The following IL34 variants were observed in gnomAD, a reference collection of about 807,000 sequenced individuals.
The protein encoded by IL34 is interleukin-34.
A neutral mutation model predicts 25.3 loss-of-function variants in IL34; 17 were observed. The ratio of observed to expected loss-of-function variants is 0.67; its 90% confidence interval spans 0.46 to 1.01. The LOEUF is 1.01. Ranked by LOEUF, IL34 falls within the 50% of genes least tolerant of loss-of-function variation. The pLI is 0.00. For synonymous variants in IL34, 174 were observed against 140.9 expected, an observed-to-expected ratio of 1.23 and a Z score of -1.66; for missense variants, 368 against 312.9, an observed-to-expected ratio of 1.18 and a Z score of -1.33.
At chr16:70,609,338 C>T (rs1413688002) in intron 1 of IL34, among the ~76,000 whole-genome samples, 2 of 152,164 alleles carry the variant, frequency 1.3e-5, no homozygotes, top group African/African-American at 4.8e-5. Flanking sequence ...TTCTGCTTCC[C>T]AAAGTGCTGG....
At chr16:70,593,445 A>G (rs2050779781) in intron 1 of IL34, among the ~76,000 whole-genome samples, 1 of 152,136 alleles carries the variant, frequency 6.6e-6, no homozygotes, top group African/African-American at 2.4e-5. Flanking sequence ...TTCATTTTGA[A>G]TAAATTTTTG....
intron 1 of IL34, among the ~76,000 whole-genome samples, chr16:70,641,457 T>C (rs2051780382): frequency 6.6e-6 from 1 of 152,128 alleles, no homozygotes; most frequent in African/African-American, 2.4e-5. Flanking sequence ...GACTTTAAAG[T>C]AACTTCAATG....
intron 1 of IL34, among the ~76,000 whole-genome samples, chr16:70,582,497 G>A (rs2050646950): frequency 6.6e-6 from 1 of 152,236 alleles, no homozygotes; most frequent in African/African-American, 2.4e-5. Flanking sequence ...CTTTCCACAT[G>A]TGGGCAGTGA....
chr16:70,639,631 C>CTTGAG (rs35752828), intron 1 of IL34, among the ~76,000 whole-genome samples: 1 of 151,784 alleles, frequency 6.6e-6, no homozygotes, highest in African/African-American at 2.4e-5. Flanking sequence ...TTGAGCTTGA[C>CTTGAG]CCTGTTCCCA....
intron 1 of IL34, among the ~76,000 whole-genome samples, chr16:70,619,981 A>C (rs12933193): frequency 0.46 from 69,292 of 151,194 alleles, 16,213 homozygotes; most frequent in South Asian, 0.63. Context: ...GCGGTTCAGG[A>C]GTTTGGAAGT....
chr16:70,600,947 G>GAGTAGGGGATGCTGGGAGA (rs879854850), intron 1 of IL34, among the ~76,000 whole-genome samples: 11 of 136,330 alleles, frequency 8.1e-5, no homozygotes, highest in East Asian at 2.2e-4. Context: ...CTGCTGGGAG[G>GAGTAGGGGATGCTGGGAGA]AGTAGGGGAT....
chr16:70,655,354 T>C (rs1447075159), intron 2 of IL34, among the ~76,000 whole-genome samples: 2 of 149,144 alleles, frequency 1.3e-5, no homozygotes, highest in Admixed American at 6.7e-5. Flanking sequence ...CCCGGCCCTT[T>C]TTTTTTCTTT....
Position 70,659,678 on chromosome 16 carries a change from A to T in IL34, c.463A>T (p.Asn155Tyr). 6.2e-7 allele frequency: 1 copy of T among 1,613,138 alleles called. No individual in the cohort carries two copies. Reference protein sequence around the residue: ...VLSLLNAPGPNLKLVRPKALL... With the variant: ...VLSLLNAPGPYLKLVRPKALL... ...GTCCCTCTTGAATGCCCCAGGGCCA[A>T]ACCTGAAGCTGGTGCGGCCCAAAGC... Residue 155 changes from asparagine (N) to tyrosine (Y), a missense_variant, in exon 5 of 6, where the codon AAC becomes TAC. By Grantham distance (143) the Asn-to-Tyr change is moderately radical. Transcript: ENST00000288098.
Position 70,646,831 on chromosome 16 carries a change from T to G in IL34, c.-117T>G. The G allele has an allele frequency of 5.9e-6, 6 of 1,018,110 alleles. No homozygotes were observed. Among genetic ancestry groups the G allele is most frequent in the Non-Finnish European group, 8.2e-6 (6 of 729,394 alleles). 63.1% of individuals were successfully genotyped at this position (1,018,110 alleles called of 1,614,324 possible). ...CCAGCCACTCCTCCAGGGCCAGCCC[T>G]TCCCTGACTGAGTGACCACCTCTGC... On this transcript the variant is annotated 5_prime_UTR_variant, in exon 1 of 6. Coordinates refer to ENST00000288098, the MANE Select transcript of IL34 (RefSeq NM_001393494.1).
intron 1 of IL34, among the ~76,000 whole-genome samples, chr16:70,604,058 A>G (rs1405939299): frequency 6.6e-6 from 1 of 152,218 alleles, no homozygotes; most frequent in African/African-American, 2.4e-5. Context: ...CTGCTGTTCC[A>G]GTGAAGGAGA....
rs1046936680 is a variant in IL34, at chr16:70,590,848, G to A, written c.-401+10799G>A. Reference sequence around the variant, plus strand: ...CGCAAGCTGGCCTCTCCCTGCCCCCGCCCCTGGCAGTCAGTTCCTGGGGTC... The same window carrying A: ...CGCAAGCTGGCCTCTCCCTGCCCCCACCCCTGGCAGTCAGTTCCTGGGGTC... On this transcript the variant is annotated intron_variant, in intron 1 of 6. Transcript: ENST00000429149. 9.2e-5 allele frequency among the ~76,000 whole-genome samples: 14 copies of A among 152,020 alleles called. 1 individual carries two copies. The highest frequency in any genetic ancestry group is 3.9e-4 in the East Asian group (2 of 5,146).
At chr16:70,630,577 CTTTT>C (rs945115251) in intron 1 of IL34, among the ~76,000 whole-genome samples, 1 of 149,708 alleles carries the variant, frequency 6.7e-6, no homozygotes, top group Non-Finnish European at 1.5e-5. Flanking sequence ...CCTCTTCTTT[CTTTT>C]TTCTTTTTTT....
In IL34 at chr16:70,656,953, T is replaced by G; in HGVS notation, c.241-7T>G. 1 of 1,601,170 alleles carries G rather than the reference T, an allele frequency of 6.2e-7. No homozygotes were observed. The highest frequency in any genetic ancestry group is 8.5e-7 in the Non-Finnish European group (1 of 1,173,190). On this transcript the variant is annotated splice_region_variant and splice_polypyrimidine_tract_variant and intron_variant, in intron 3 of 5. Coordinates refer to ENST00000288098, the MANE Select transcript of IL34 (RefSeq NM_001393494.1). ...CCCGAGTTGCAGTGACTTCCCTGTT[T>G]CCGCAGCAGAGGGCCCAGGTGAGCG... is the stretch of plus-strand genomic sequence containing the variant.
At chr16:70,628,690 T>G (rs2051451000) in intron 1 of IL34, among the ~76,000 whole-genome samples, 1 of 152,028 alleles carries the variant, frequency 6.6e-6, no homozygotes, top group African/African-American at 2.4e-5. Context: ...TCTCACCATG[T>G]TGACCAAGCT....
chr16:70,649,079 C>T (rs781624692), intron 1 of IL34, among the ~76,000 whole-genome samples: 1 of 152,132 alleles, frequency 6.6e-6, no homozygotes, highest in Non-Finnish European at 1.5e-5. Context: ...TTTAATAATG[C>T]CTGTAAGTGG....
At chr16:70,604,918 A>G (rs1417162269) in intron 1 of IL34, among the ~76,000 whole-genome samples, 1 of 151,566 alleles carries the variant, frequency 6.6e-6, no homozygotes, top group African/African-American at 2.4e-5. Context: ...GTGTGTGTGC[A>G]TGTGTGTGTG....
intron 1 of IL34, among the ~76,000 whole-genome samples, chr16:70,605,622 T>A (rs896394052): frequency 3.9e-5 from 6 of 152,290 alleles, no homozygotes; most frequent in South Asian, 4.1e-4. Context: ...CTTATTGAAG[T>A]TCTTTTATTA....
At chr16:70,628,769 G>A (rs1480269799) in intron 1 of IL34, among the ~76,000 whole-genome samples, 1 of 149,548 alleles carries the variant, frequency 6.7e-6, no homozygotes, top group Non-Finnish European at 1.5e-5. Context: ...TTACAGGCAT[G>A]AGCCATCACA....
chr16:70,622,837 C>T (rs186542432), intron 1 of IL34, among the ~76,000 whole-genome samples: 12 of 151,954 alleles, frequency 7.9e-5, no homozygotes, highest in East Asian at 7.7e-4. Flanking sequence ...GCATAGTTTG[C>T]GATTTTTAGG....
Sources: allele counts gnomAD v4.1 joint callset (sites outside exome capture counted in the v4.1 genomes callset), GRCh38; gene constraint gnomAD v4.1.1; transcripts MANE v1.5; gene names NCBI Gene and HGNC (gene_info 2026-07-23, HGNC 2026-07-21).